Variants in RFFL observed in about 807,000 individuals in gnomAD.
RFFL encodes the protein E3 ubiquitin-protein ligase rififylin.
In RFFL, 16 loss-of-function variants were observed where a neutral mutation model predicts 40.4. The observed-to-expected ratio is 0.40, with a 90% confidence interval of 0.27 to 0.60. RFFL has a LOEUF of 0.60. Ranked by LOEUF, RFFL falls within the 20% of genes least tolerant of loss-of-function variation. The probability of loss-of-function intolerance (pLI) is 0.47; values close to 1 mark genes in which losing one functional copy is unlikely to be tolerated. For missense variants in RFFL, 367 were observed against 451.7 expected (o/e 0.81, Z 1.70); for synonymous variants, 154 against 167.9 (o/e 0.92, Z 0.64).
rs1306529401 is a variant in RFFL at position 35,007,903 on chromosome 17, C to CTAAG, written c.*4061_*4064dup. 3 of 152,318 alleles carry CTAAG rather than the reference C, an allele frequency of 2.0e-5. No homozygotes were observed. Among genetic ancestry groups the CTAAG allele is most frequent in the East Asian group, 3.9e-4 (2 of 5,182 alleles). The allele number at this position is 152,318 out of a possible 1,614,324, so 9.4% of individuals were successfully genotyped here. On this transcript the variant is annotated 3_prime_UTR_variant, in exon 7 of 7. Transcript: ENST00000394597. The stretch of plus-strand genomic sequence containing the variant: ...AACAGGCACACACCATCACTCGCAG[C>CTAAG]TAAGTTTTTGTATTTTTAGTAGAGA...
chr17:35,017,755 C>A, intron 3 of RFFL, 149 bp from the exon 4 acceptor site: 1 of 611,548 alleles, frequency 1.6e-6, no homozygotes, highest in East Asian at 2.9e-5. Flanking sequence ...CAAAAGCCTG[C>A]TCTCTCATAC....
intron 1 of RFFL, among the ~76,000 whole-genome samples, chr17:35,045,977 G>A (rs1667528532): frequency 6.9e-6 from 1 of 145,926 alleles, no homozygotes; most frequent in Non-Finnish European, 1.5e-5. Flanking sequence ...GGTGAGCCAA[G>A]ATTGCACACT....
intron 1 of RFFL, among the ~76,000 whole-genome samples, chr17:35,079,407 CTATA>C (rs1477023085): frequency 6.6e-6 from 1 of 152,162 alleles, no homozygotes; most frequent in Non-Finnish European, 1.5e-5. Context: ...AACAACAGAG[CTATA>C]GATAGCCTGT....
At chr17:35,016,613 G>C (rs771448875) in intron 4 of RFFL, 33 bp from the exon 5 acceptor site, 3 of 1,554,532 alleles carry the variant, frequency 1.9e-6, no homozygotes, top group South Asian at 2.2e-5. Context: ...AGTGTGCTCA[G>C]CTCTTACCTC....
rs2090973924 is a variant in RFFL, at chr17:35,016,460, A to C, written c.796T>G (p.Phe266Val). ...RQLKEILARN[F>V]VNYKGCCEKW... is the part of the protein sequence containing the mutation. ...TCACAGCAGCCCTTGTAGTTGACAA[A>C]GTTGCGAGCCAAGATCTCTTTCAGC... The change falls in exon 5 of 7, where the codon TTT becomes GTT. Residue 266 changes from phenylalanine (F) to valine (V), a missense_variant. Phe to Val is a conservative substitution (Grantham distance 50). Transcript: ENST00000394597. The C allele has an allele frequency of 6.2e-7, 1 of 1,614,080 alleles. No individual in the cohort carries two copies.
At chr17:35,047,774 CAG>C (rs905411147) in intron 1 of RFFL, among the ~76,000 whole-genome samples, 1 of 146,014 alleles carries the variant, frequency 6.8e-6, no homozygotes, top group Non-Finnish European at 1.5e-5. Context: ...TTTTTAAATA[CAG>C]AGTCTCCCTC....
At chr17:35,038,584 G>T (rs1488257218) in intron 1 of RFFL, among the ~76,000 whole-genome samples, 1 of 152,200 alleles carries the variant, frequency 6.6e-6, no homozygotes, top group Non-Finnish European at 1.5e-5. Flanking sequence ...ACAGAACAAT[G>T]AGAAAAAACA....
intron 3 of RFFL, among the ~76,000 whole-genome samples, chr17:35,019,768 T>A (rs1345046216): frequency 6.6e-6 from 1 of 151,836 alleles, no homozygotes; most frequent in South Asian, 2.1e-4. Context: ...GGGAAGAATA[T>A]ATAGCAGGAG....
rs574305392 is a variant in RFFL at position 35,040,680 on chromosome 17, C to T, written c.-8-14119G>A. ...TGCATAAATTCCTACCTTCATCTCC[C>T]CTGCTCCTGCTGGTGGGTTAAAACA... On this transcript the variant is annotated intron_variant, in intron 1 of 6. Transcript: ENST00000394597. Among the ~76,000 whole-genome samples, 225 of 125,758 alleles carry T rather than the reference C, an allele frequency of 1.8e-3. 1 individual carries two copies. The highest frequency in any genetic ancestry group is 5.8e-3 in the African/African-American group (213 of 36,872). The allele number at this position is 125,758 out of a possible 152,430, so 82.5% of individuals were successfully genotyped here.
At chr17:35,041,222 T>C (rs1312365846) in intron 1 of RFFL, among the ~76,000 whole-genome samples, 1 of 151,448 alleles carries the variant, frequency 6.6e-6, no homozygotes, top group Admixed American at 6.6e-5. Flanking sequence ...TCCTAACGGG[T>C]TTCCTAGCTT....
upstream of RFFL, among the ~76,000 whole-genome samples, chr17:35,067,730 T>C (rs556470510): frequency 2.6e-5 from 4 of 152,102 alleles, no homozygotes; most frequent in Non-Finnish European, 5.9e-5. Context: ...GCTGGGATTA[T>C]AGGTGTGAGC....
chr17:35,042,006 C>T (rs954139356), intron 1 of RFFL, among the ~76,000 whole-genome samples: 1 of 152,124 alleles, frequency 6.6e-6, no homozygotes, highest in African/African-American at 2.4e-5. Flanking sequence ...CAGAGCGAGA[C>T]TCCATCTCAA....
At chr17:35,086,482 TA>T (rs11298971) in intron 1 of RFFL, among the ~76,000 whole-genome samples, 135,359 of 144,100 alleles carry the variant, frequency 0.94, 63,539 homozygotes, top group East Asian at 1. Flanking sequence ...CCATCTCAAT[TA>T]AAAAAAAAAA....
rs1299324610 is a variant in RFFL, at chr17:35,029,544, G to A, written c.-8-2983C>T. Among the ~76,000 whole-genome samples, 6 of 143,122 alleles carry A rather than the reference G, an allele frequency of 4.2e-5. No homozygotes were observed. The South Asian group carries it at 8.9e-4, about 21-fold the overall frequency. The allele number at this position is 143,122 out of a possible 152,430, so 93.9% of individuals were successfully genotyped here. On this transcript the variant is annotated intron_variant, in intron 1 of 6. Coordinates refer to ENST00000394597, the MANE Select transcript of RFFL (RefSeq NM_001017368.2). ...TTCTTTTTTTTTTTTTTTTTGAGAC[G>A]GAGTCTTGCCCTGTCGCCCAGGCTG...
At chr17:35,053,526 G>C (rs1050955554) in intron 1 of RFFL, among the ~76,000 whole-genome samples, 1 of 152,164 alleles carries the variant, frequency 6.6e-6, no homozygotes, top group South Asian at 2.1e-4. Flanking sequence ...GTAGCAGCTA[G>C]GGGTAGGGGC....
chr17:35,079,416 G>A (rs1188841177), intron 1 of RFFL, among the ~76,000 whole-genome samples: 1 of 152,166 alleles, frequency 6.6e-6, no homozygotes, highest in Non-Finnish European at 1.5e-5. Context: ...GCTATAGATA[G>A]CCTGTATCTC....
chr17:35,048,819 G>T (rs1164060470), intron 1 of RFFL, among the ~76,000 whole-genome samples: 1 of 152,194 alleles, frequency 6.6e-6, no homozygotes, highest in Non-Finnish European at 1.5e-5. Context: ...GATGAATTCA[G>T]ACTAAGCACC....
At chr17:35,086,014 A>T (rs2091427385) in intron 1 of RFFL, among the ~76,000 whole-genome samples, 1 of 152,238 alleles carries the variant, frequency 6.6e-6, no homozygotes, top group African/African-American at 2.4e-5. Flanking sequence ...CTTTAAATAC[A>T]TGAGGCCAAT....
At position 35,012,740 on chromosome 17, in the gene RFFL, T is replaced by A. The variant is rs1216519075; in HGVS notation, c.911-591A>T. ...CCTGGTGGAGAAACTTGGCAGAGATTACTGCTCCCTCTTTCTACCCCCACA... is the reference window on the plus strand; with the variant it reads ...CCTGGTGGAGAAACTTGGCAGAGATAACTGCTCCCTCTTTCTACCCCCACA... On this transcript the variant is annotated intron_variant, in intron 6 of 6. Coordinates refer to ENST00000394597, the MANE Select transcript of RFFL (RefSeq NM_001017368.2). Among the ~76,000 whole-genome samples, 8 of 152,354 alleles carry A rather than the reference T, an allele frequency of 5.3e-5. No homozygotes were observed. In the South Asian group the frequency reaches 1.7e-3, roughly 32 times the overall value.
Sources: allele counts gnomAD v4.1 joint callset (sites outside exome capture counted in the v4.1 genomes callset), GRCh38; gene constraint gnomAD v4.1.1; transcripts MANE v1.5; gene names NCBI Gene and HGNC (gene_info 2026-07-23, HGNC 2026-07-21).